Variants in KRT73 observed in about 807,000 individuals in gnomAD.
KRT73 encodes the protein keratin 73, also known as keratin, type II cytoskeletal 73.
A neutral mutation model predicts 47.2 loss-of-function variants in KRT73; 44 were observed. The ratio of observed to expected loss-of-function variants is 0.93; its 90% CI spans 0.73 to 1.20. KRT73 has a LOEUF of 1.20. Ranked by LOEUF, KRT73 falls within the 50% of genes most tolerant of loss-of-function variation. The probability of loss-of-function intolerance (pLI) is 0.00; values close to 1 mark genes in which losing one functional copy is unlikely to be tolerated. For missense variants in KRT73, 713 were observed against 704.5 expected (o/e 1.01, Z -0.14); for synonymous variants, 285 against 291.3 (o/e 0.98, Z 0.22).
At chr12:52,611,841 T>C (rs1940709690) in intron 5 of KRT73, among the ~76,000 whole-genome samples, 1 of 152,124 alleles carries the variant, frequency 6.6e-6, no homozygotes, top group South Asian at 2.1e-4. Context: ...TTTCCCTAGC[T>C]AGCTCCAACT....
At chr12:52,620,044 A>T (rs982708472), upstream of KRT73, among the ~76,000 whole-genome samples, 1 of 151,852 alleles carries the variant, frequency 6.6e-6, no homozygotes, top group Admixed American at 6.6e-5. Context: ...AATTTCACTA[A>T]AGGCAATGCC....
intron 7 of KRT73, 62 bp from the exon 8 acceptor site, chr12:52,609,343 G>C: frequency 7.1e-7 from 1 of 1,407,368 alleles, no homozygotes; most frequent in Non-Finnish European, 1.0e-6. Context: ...GGCCCTCACT[G>C]CCTAAACACA....
At position 52,608,374 on chromosome 12, in the gene KRT73, T is replaced by C. The variant is rs774001406; in HGVS notation, c.1445A>G (p.Tyr482Cys). ...GCCCCCGCTGACAGAGCTGGGCCAG[T>C]AGCCGTAGGTGCCAGCATTGCTGAA... ...FGFSNAGTYGYWPSSVSGGYS... is the reference protein window; with the variant it reads ...FGFSNAGTYGCWPSSVSGGYS... The change falls in exon 9 of 9, where the codon TAC (tyrosine) becomes TGC (cysteine). Residue 482 changes from tyrosine to cysteine, a missense_variant. Physicochemically the swap from Tyr to Cys is radical, Grantham distance 194. Coordinates refer to ENST00000305748, the MANE Select transcript of KRT73 (RefSeq NM_175068.3). 6.2e-7 allele frequency: 1 copy of C among 1,613,140 alleles called. No homozygotes were observed. Among genetic ancestry groups the C allele is most frequent in the African/African-American group, 1.3e-5 (1 of 74,906 alleles).
the KRT73 span, among the ~76,000 whole-genome samples, chr12:52,628,312 G>A: frequency 6.6e-6 from 1 of 152,202 alleles, no homozygotes; most frequent in Admixed American, 6.5e-5. Context: ...CTCTCCAGGT[G>A]GATAATCCAC....
intron 6 of KRT73, 164 bp from the exon 7 acceptor site, chr12:52,610,999 G>A: frequency 1.1e-6 from 1 of 880,210 alleles, no homozygotes; most frequent in Non-Finnish European, 1.7e-6. Context: ...TGAGAGGCTT[G>A]CTACGCTGGG....
the KRT73 span, among the ~76,000 whole-genome samples, chr12:52,625,568 C>CCAAA: frequency 6.6e-6 from 1 of 152,046 alleles, no homozygotes; most frequent in East Asian, 1.9e-4. Flanking sequence ...CTCTGGAAAA[C>CCAAA]AGTTTAGCAG....
intron 5 of KRT73, among the ~76,000 whole-genome samples, chr12:52,611,578 G>C (rs1180887794): frequency 6.6e-6 from 1 of 152,146 alleles, no homozygotes; most frequent in Non-Finnish European, 1.5e-5. Context: ...TCTCCATATG[G>C]CAACTTTATA....
At chr12:52,625,962 A>C in the KRT73 span, among the ~76,000 whole-genome samples, 3 of 150,510 alleles carry the variant, frequency 2.0e-5, no homozygotes, top group Admixed American at 2.0e-4. Flanking sequence ...TGAAATACAG[A>C]AATGGGGAAC....
At chr12:52,629,925 A>C in the KRT73 span, among the ~76,000 whole-genome samples, 1 of 151,914 alleles carries the variant, frequency 6.6e-6, no homozygotes, top group African/African-American at 2.4e-5. Flanking sequence ...ACAAACACTC[A>C]CACTCTCCCA....
chr12:52,616,230 C>A lies in KRT73; in HGVS notation c.598G>T (p.Asp200Tyr), dbSNP rs771580897. 7 of 1,614,068 alleles carry A rather than the reference C, an allele frequency of 4.3e-6. No individual in the cohort carries two copies. Among genetic ancestry groups the A allele is most frequent in the African/African-American group, 1.3e-5 (1 of 74,924 alleles). Residue 200 changes from aspartate to tyrosine, a missense_variant, in exon 2 of 9, where the codon GAC becomes TAC. Physicochemically the swap from Asp to Tyr is radical, Grantham distance 160. Transcript: ENST00000305748. ...AGCTCCGAGTCCAGCCTCACCCTGT[C>A]CCCAGACAGCGTCTCCAGCTGCTTC... ...LRKQLETLSG[D>Y]RVRLDSELRS...
intron 5 of KRT73, chr12:52,612,947 A>G (rs1940733219): frequency 6.6e-6 from 1 of 152,164 alleles, no homozygotes; most frequent in Non-Finnish European, 1.5e-5. Context: ...TTGCAACACT[A>G]ATGTGGAAGG....
intron 7 of KRT73, 87 bp downstream of exon 7, chr12:52,610,528 C>T (rs1353216925): frequency 1.6e-5 from 5 of 309,974 alleles, no homozygotes; most frequent in South Asian, 5.2e-5. Flanking sequence ...GCCAGCTCGC[C>T]GCCCCCTCCC....
the KRT73 span, among the ~76,000 whole-genome samples, chr12:52,630,590 G>T: frequency 3.9e-4 from 60 of 152,222 alleles, 1 homozygote; most frequent in Middle Eastern, 6.8e-3. Context: ...CACCCTTATT[G>T]TGGGAAATGT....
chr12:52,621,875 T>A (rs1483639232), upstream of KRT73, among the ~76,000 whole-genome samples: 1 of 151,952 alleles, frequency 6.6e-6, no homozygotes, highest in Non-Finnish European at 1.5e-5. Context: ...CGGGATTCCA[T>A]CCCCACCAGG....
chr12:52,615,870 C>G (rs1294926719), intron 2 of KRT73, among the ~76,000 whole-genome samples: 1 of 152,118 alleles, frequency 6.6e-6, no homozygotes, highest in Non-Finnish European at 1.5e-5. Context: ...CTTTGGAACT[C>G]AGGGGCACAG....
At chr12:52,608,861 G>A (rs1940638604) in intron 8 of KRT73, among the ~76,000 whole-genome samples, 1 of 152,232 alleles carries the variant, frequency 6.6e-6, no homozygotes, top group African/African-American at 2.4e-5. Context: ...TGTGGGGCCA[G>A]CATTAAACTG....
At chr12:52,612,073 G>A (rs1940714627) in intron 5 of KRT73, among the ~76,000 whole-genome samples, 1 of 152,120 alleles carries the variant, frequency 6.6e-6, no homozygotes, top group Admixed American at 6.6e-5. Flanking sequence ...TGCCTAGTTG[G>A]TGCTCAAAAA....
the KRT73 span, among the ~76,000 whole-genome samples, chr12:52,630,279 T>C: frequency 6.6e-5 from 10 of 152,132 alleles, no homozygotes; most frequent in African/African-American, 2.2e-4. Flanking sequence ...CACGACGGAG[T>C]GCAGTGAGGA....
chr12:52,617,464 T>A (rs1940836261), intron 1 of KRT73, among the ~76,000 whole-genome samples: 1 of 152,160 alleles, frequency 6.6e-6, no homozygotes, highest in African/African-American at 2.4e-5. Flanking sequence ...TGCTGCTGGT[T>A]CCAGGGCCAC....
Sources: gnomAD v4.1 joint callset for allele counts (sites outside exome capture counted in the v4.1 genomes callset) on GRCh38, gnomAD v4.1.1 for gene constraint, MANE v1.5 for transcripts, NCBI Gene and HGNC (gene_info 2026-07-23, HGNC 2026-07-21) for gene names.